Variants in FGF12 observed in about 807,000 individuals in gnomAD.
The protein encoded by FGF12 is fibroblast growth factor 12, also known as fibroblast growth factor 12B.
Under a neutral mutation model 23.6 loss-of-function variants are expected in FGF12, and 14 were observed. The ratio of observed to expected loss-of-function variants is 0.59; its 90% CI spans 0.39 to 0.93. The LOEUF is 0.93. Among genes scored for constraint, FGF12 ranks in the 40% least tolerant of loss-of-function variants. FGF12 has a pLI of 0.00. For synonymous variants in FGF12, 62 were observed against 77.3 expected (o/e 0.80, Z 1.04); for missense variants, 175 against 217.8 (o/e 0.80, Z 1.24).
chr3:192,402,116 G>A (rs556289599), intron 2 of FGF12, among the ~76,000 whole-genome samples: 2 of 152,316 alleles, frequency 1.3e-5, no homozygotes, highest in African/African-American at 4.8e-5. Context: ...TATCACTTAA[G>A]TTAAACAAAC....
chr3:192,252,288 C>T (rs748277546), intron 4 of FGF12, among the ~76,000 whole-genome samples: 5 of 151,340 alleles, frequency 3.3e-5, no homozygotes, highest in Non-Finnish European at 7.4e-5. Flanking sequence ...TGGCAAAACC[C>T]TGTCTCTACT....
chr3:192,166,923 A>G (rs1197674602), intron 5 of FGF12, among the ~76,000 whole-genome samples: 3 of 152,280 alleles, frequency 2.0e-5, no homozygotes, highest in Middle Eastern at 3.4e-3. Context: ...TCAAAGTATT[A>G]GTGAATCTGA....
At chr3:192,618,751 G>A (rs1714859059) in intron 2 of FGF12, among the ~76,000 whole-genome samples, 1 of 149,996 alleles carries the variant, frequency 6.7e-6, no homozygotes, top group Admixed American at 6.7e-5. Flanking sequence ...ATAGATCAAA[G>A]TTCGACTATC....
rs559418800 is a variant in FGF12, at chr3:192,384,188, A to T, written c.14-23650T>A. On this transcript the variant is annotated intron_variant, in intron 2 of 5. Coordinates refer to ENST00000445105, the MANE Select transcript of FGF12 (RefSeq NM_004113.6). ...AACAGGATTGTTAGTGTTAGTGTTG[A>T]GTGTAAATGCCAGATTAGAAAAAGA... Among the ~76,000 whole-genome samples the T allele has an allele frequency of 7.9e-5, 12 of 152,292 alleles. No individual in the cohort carries two copies. The South Asian group carries it at 2.1e-3, about 26-fold the overall frequency.
intron 2 of FGF12, among the ~76,000 whole-genome samples, chr3:192,604,737 C>G (rs1165945202): frequency 6.6e-6 from 1 of 152,082 alleles, no homozygotes; most frequent in Non-Finnish European, 1.5e-5. Flanking sequence ...ACAAAAGAGC[C>G]TGAATAGCAA....
intron 2 of FGF12, among the ~76,000 whole-genome samples, chr3:192,617,138 A>G (rs947075891): frequency 6.6e-6 from 1 of 152,074 alleles, no homozygotes; most frequent in African/African-American, 2.4e-5. Flanking sequence ...GCTTATTTGC[A>G]TGTGTGTGAT....
intron 4 of FGF12, among the ~76,000 whole-genome samples, chr3:192,189,470 C>T (rs1014185199): frequency 6.6e-6 from 1 of 152,178 alleles, no homozygotes; most frequent in Non-Finnish European, 1.5e-5. Context: ...TGCCTTCTCT[C>T]ACCCCAAAAT....
intron 2 of FGF12, among the ~76,000 whole-genome samples, chr3:192,528,593 G>A (rs1041255945): frequency 6.6e-6 from 1 of 152,100 alleles, no homozygotes; most frequent in Non-Finnish European, 1.5e-5. Flanking sequence ...CCTGTGTGGG[G>A]GCTCCAACCC....
chr3:192,428,797 A>C (rs542847840), intron 2 of FGF12, among the ~76,000 whole-genome samples: 46 of 152,300 alleles, frequency 3.0e-4, no homozygotes, highest in African/African-American at 1.1e-3. Flanking sequence ...TAGATGAAGG[A>C]TATGAGGTTG....
chr3:192,297,599 A>T (rs1243176919), intron 4 of FGF12, among the ~76,000 whole-genome samples: 1 of 152,202 alleles, frequency 6.6e-6, no homozygotes, highest in East Asian at 1.9e-4. Flanking sequence ...CTTAGAATTT[A>T]TATAGGCCCT....
chr3:192,604,295 C>T (rs775913312), intron 2 of FGF12, among the ~76,000 whole-genome samples: 21 of 152,154 alleles, frequency 1.4e-4, no homozygotes, highest in Middle Eastern at 3.4e-3. Context: ...TCACAGTGGT[C>T]CTGAGGTGAC....
Position 192,158,857 on chromosome 3 carries a change from G to T in FGF12, c.427+11601C>A, listed in dbSNP as rs188951600. On this transcript the variant is annotated intron_variant, in intron 5 of 5. Coordinates refer to ENST00000445105, the MANE Select transcript of FGF12 (RefSeq NM_004113.6). ...AACCTATGGACATCTGCCCCCACGT[G>T]TTCTGACTCCTGCTTGTTACAATGC... Among the ~76,000 whole-genome samples, 31 of 152,030 alleles carry T rather than the reference G, an allele frequency of 2.0e-4. No homozygotes were observed. The East Asian group carries it at 5.8e-3, about 29-fold the overall frequency.
chr3:192,353,689 C>A (rs1718333063), intron 3 of FGF12, among the ~76,000 whole-genome samples: 1 of 151,984 alleles, frequency 6.6e-6, no homozygotes, highest in Non-Finnish European at 1.5e-5. Context: ...GTCTTATGAT[C>A]AAAAATATAT....
intron 2 of FGF12, among the ~76,000 whole-genome samples, chr3:192,453,443 C>A (rs773981925): frequency 1.3e-5 from 2 of 151,934 alleles, no homozygotes; most frequent in African/African-American, 4.8e-5. Flanking sequence ...GAATGCCCCC[C>A]CCTTTTTAAA....
rs139802256 is a variant in FGF12 at position 192,310,751 on chromosome 3, A to C, written c.228+24610T>G. ...TTAAGTGCTGACAATAATCATTTGG[A>C]AGCCCAAGCTCAGTAAGTACAGTTA... On this transcript the variant is annotated intron_variant, in intron 4 of 5. Transcript: ENST00000445105. 1.3e-3 allele frequency among the ~76,000 whole-genome samples: 197 copies of C among 152,324 alleles called. 1 individual carries two copies. Among genetic ancestry groups the C allele is most frequent in the African/African-American group, 4.5e-3 (186 of 41,578 alleles).
At chr3:192,540,269 T>A (rs1053357139) in intron 2 of FGF12, among the ~76,000 whole-genome samples, 1 of 152,094 alleles carries the variant, frequency 6.6e-6, no homozygotes, top group Non-Finnish European at 1.5e-5. Flanking sequence ...TTGACGTAGG[T>A]AATTATAGCT....
chr3:192,567,778 TTTC>T (rs1712392248), intron 2 of FGF12, among the ~76,000 whole-genome samples: 1 of 137,278 alleles, frequency 7.3e-6, no homozygotes, highest in African/African-American at 2.6e-5. Context: ...TCTTTCTTTC[TTTC>T]TTTCTTTCTT....
chr3:192,621,819 T>G (rs1714987068), intron 2 of FGF12, among the ~76,000 whole-genome samples: 1 of 152,076 alleles, frequency 6.6e-6, no homozygotes, highest in Non-Finnish European at 1.5e-5. Flanking sequence ...CGCTTGGTAC[T>G]GTGCTCCAAT....
intron 2 of FGF12, among the ~76,000 whole-genome samples, chr3:192,683,872 C>T (rs564062031): frequency 9.8e-5 from 15 of 152,286 alleles, no homozygotes; most frequent in Non-Finnish European, 1.9e-4. Context: ...TGTTCGGCTG[C>T]AACTCAACCT....
Sources: allele counts gnomAD v4.1 joint callset (sites outside exome capture counted in the v4.1 genomes callset), GRCh38; gene constraint gnomAD v4.1.1; transcripts MANE v1.5; gene names NCBI Gene and HGNC (gene_info 2026-07-23, HGNC 2026-07-21).